The following RANBP2 variants were observed in gnomAD, a reference collection of about 807,000 sequenced individuals.
RANBP2 encodes the protein RAN binding protein 2.
In RANBP2, 57 loss-of-function variants were observed where a neutral mutation model predicts 303.6. That is an observed-to-expected ratio of 0.19 (90% CI 0.15 to 0.23). The LOEUF is 0.23. RANBP2 is among the 10% of genes least tolerant of loss of function. The pLI is 1.00. For missense variants in RANBP2, 3,138 were observed against 3,780.8 expected (o/e 0.83, Z 4.46); for synonymous variants, 1,167 against 1,301.5 (o/e 0.90, Z 2.23).
chr2:109,191,318 A>T, the RANBP2 span, among the ~76,000 whole-genome samples: 1 of 152,188 alleles, frequency 6.6e-6, no homozygotes, highest in African/African-American at 2.4e-5. Context: ...GCCCTGGAGA[A>T]TCATTAGGAG....
At chr2:109,566,601 A>G in the RANBP2 span, among the ~76,000 whole-genome samples, 3 of 152,180 alleles carry the variant, frequency 2.0e-5, no homozygotes, top group Non-Finnish European at 4.4e-5. Context: ...GTACTAATAT[A>G]AAGTAGTACA....
chr2:109,494,394 C>T, the RANBP2 span, among the ~76,000 whole-genome samples: 3 of 152,136 alleles, frequency 2.0e-5, no homozygotes, highest in African/African-American at 7.2e-5. Context: ...AGAAGTGCCC[C>T]CTCCCCTCAA....
At chr2:109,657,429 C>T in the RANBP2 span, among the ~76,000 whole-genome samples, 37 of 152,134 alleles carry the variant, frequency 2.4e-4, no homozygotes, top group East Asian at 9.7e-4. Flanking sequence ...GCCTGGGCAA[C>T]GGAGTGAGAC....
the RANBP2 span, among the ~76,000 whole-genome samples, chr2:109,778,485 C>A: frequency 6.7e-6 from 1 of 149,888 alleles, no homozygotes; most frequent in South Asian, 2.1e-4. Context: ...GTTTAGTAGC[C>A]AGGCATTGGA....
At chr2:109,137,485 G>A in the RANBP2 span, among the ~76,000 whole-genome samples, 6 of 152,192 alleles carry the variant, frequency 3.9e-5, no homozygotes, top group Non-Finnish European at 7.3e-5. Context: ...TTGCTGCTGT[G>A]GCTAGGACGA....
At chr2:109,352,966 GCTC>G in the RANBP2 span, among the ~76,000 whole-genome samples, 4 of 152,380 alleles carry the variant, frequency 2.6e-5, no homozygotes, top group East Asian at 5.8e-4. Flanking sequence ...CAGAATGTGA[GCTC>G]CTCTCCATGG....
chr2:109,371,680 A>T, the RANBP2 span: 1 of 1,613,414 alleles, frequency 6.2e-7, no homozygotes, highest in Non-Finnish European at 8.5e-7. Context: ...CTGTACGTGG[A>T]GGTAAGACCG....
the RANBP2 span, among the ~76,000 whole-genome samples, chr2:109,378,418 G>T: frequency 1.3e-5 from 2 of 152,192 alleles, no homozygotes; most frequent in Non-Finnish European, 2.9e-5. Flanking sequence ...CCTGAGACGG[G>T]GTTGGAACAC....
the RANBP2 span, among the ~76,000 whole-genome samples, chr2:109,104,970 T>G: frequency 1.3e-5 from 2 of 152,222 alleles, no homozygotes; most frequent in Non-Finnish European, 2.9e-5. Context: ...TGTAAACTAC[T>G]GTTAGAGTAG....
chr2:108,873,081 TG>T, the RANBP2 span, among the ~76,000 whole-genome samples: 1 of 152,200 alleles, frequency 6.6e-6, no homozygotes, highest in Non-Finnish European at 1.5e-5. Flanking sequence ...ATTTGTTTTT[TG>T]TTTTTTTAAT....
the RANBP2 span, among the ~76,000 whole-genome samples, chr2:109,666,485 TACTA>T: frequency 6.6e-6 from 1 of 152,246 alleles, no homozygotes; most frequent in African/African-American, 2.4e-5. Context: ...ACTTTCAACT[TACTA>T]ACAACGTTTC....
chr2:109,304,112 A>G, the RANBP2 span, among the ~76,000 whole-genome samples: 71 of 151,576 alleles, frequency 4.7e-4, no homozygotes, highest in African/African-American at 1.6e-3. Flanking sequence ...AAAAAAAAAA[A>G]AGAAAGATCT....
the RANBP2 span, chr2:109,449,152 C>T: frequency 1.9e-6 from 3 of 1,610,684 alleles, no homozygotes; most frequent in Admixed American, 5.0e-5. Context: ...CCTGCTGTCT[C>T]TCCAACCCCG....
chr2:108,944,361 G>A, the RANBP2 span, among the ~76,000 whole-genome samples: 9 of 152,198 alleles, frequency 5.9e-5, no homozygotes, highest in Non-Finnish European at 8.8e-5. Flanking sequence ...TAATCCACCC[G>A]CCTTGGCCTC....
chr2:109,124,538 T>G, the RANBP2 span: 3 of 152,242 alleles, frequency 2.0e-5, no homozygotes, highest in Non-Finnish European at 4.4e-5. Context: ...GTCGAACTCC[T>G]GACCTCAGGT....
the RANBP2 span, among the ~76,000 whole-genome samples, chr2:109,218,367 G>A: frequency 3.9e-5 from 6 of 152,210 alleles, no homozygotes; most frequent in East Asian, 9.7e-4. Flanking sequence ...TCAAAATATG[G>A]GCTTCTGAGT....
the RANBP2 span, among the ~76,000 whole-genome samples, chr2:109,635,168 A>G: frequency 4.0e-5 from 6 of 151,496 alleles, no homozygotes; most frequent in South Asian, 1.3e-3. Context: ...GGCATGTATT[A>G]TTTTGTTTTA....
the RANBP2 span, among the ~76,000 whole-genome samples, chr2:109,315,445 T>A: frequency 2.6e-5 from 4 of 152,244 alleles, no homozygotes; most frequent in Non-Finnish European, 4.4e-5. Context: ...AAGCAATAGC[T>A]TGTGTCTGTA....
the RANBP2 span, chr2:109,619,081 A>G: frequency 6.0e-6 from 1 of 165,510 alleles, no homozygotes; most frequent in South Asian, 2.1e-4. Context: ...TTGAAGTTTC[A>G]GTTTATTTGA....
Sources: gnomAD v4.1 joint callset for allele counts (sites outside exome capture counted in the v4.1 genomes callset) on GRCh38, gnomAD v4.1.1 for gene constraint, MANE v1.5 for transcripts, NCBI Gene and HGNC (gene_info 2026-07-23, HGNC 2026-07-21) for gene names.